EIF2B3: variants seen among roughly 807,000 people sequenced by gnomAD.
The protein encoded by EIF2B3 is translation initiation factor eIF2B subunit gamma.
Under a neutral mutation model 54.1 loss-of-function variants are expected in EIF2B3, and 20 were observed. The ratio of observed to expected loss-of-function variants is 0.37; its 90% CI spans 0.26 to 0.54. The LOEUF is 0.54. Ranked by LOEUF, EIF2B3 falls within the 20% of genes least tolerant of loss-of-function variation. The probability of loss-of-function intolerance (pLI) is 0.86; values close to 1 mark genes in which losing one functional copy is unlikely to be tolerated. For missense variants in EIF2B3, 448 were observed against 547.8 expected (o/e 0.82, Z 1.82); for synonymous variants, 153 against 188.1 (o/e 0.81, Z 1.52).
At chr1:44,897,186 C>T (rs1247391573) in intron 6 of EIF2B3, among the ~76,000 whole-genome samples, 169 bp downstream of exon 6, 1 of 152,178 alleles carries the variant, frequency 6.6e-6, no homozygotes, top group Non-Finnish European at 1.5e-5. Context: ...GATAAAACAA[C>T]ACTATATTGA....
intron 5 of EIF2B3, among the ~76,000 whole-genome samples, chr1:44,920,194 T>C (rs1307213030): frequency 6.6e-6 from 1 of 151,960 alleles, no homozygotes; most frequent in Non-Finnish European, 1.5e-5. Context: ...TATGCTAAGG[T>C]TTTGGTGCTA....
intron 6 of EIF2B3, among the ~76,000 whole-genome samples, chr1:44,888,417 G>A (rs779821256): frequency 4.6e-5 from 7 of 151,920 alleles, no homozygotes; most frequent in Admixed American, 1.3e-4. Context: ...ACCCAGAAAC[G>A]GGACATGCCG....
intron 5 of EIF2B3, among the ~76,000 whole-genome samples, chr1:44,903,898 A>G (rs1015774782): frequency 1.3e-5 from 2 of 152,002 alleles, no homozygotes; most frequent in African/African-American, 4.8e-5. Flanking sequence ...ACATGGCAAA[A>G]CCCCATCTCT....
chr1:44,911,318 T>G (rs1465724338), intron 5 of EIF2B3, among the ~76,000 whole-genome samples: 1 of 152,162 alleles, frequency 6.6e-6, no homozygotes, highest in East Asian at 1.9e-4. Context: ...GTGTGGATTA[T>G]AAATCAGAAG....
chr1:44,933,698 T>G (rs1643917545), intron 4 of EIF2B3, among the ~76,000 whole-genome samples: 1 of 152,196 alleles, frequency 6.6e-6, no homozygotes, highest in Non-Finnish European at 1.5e-5. Context: ...AGGCATGGGT[T>G]TGAGTTCTGG....
intron 3 of EIF2B3, among the ~76,000 whole-genome samples, chr1:44,976,228 A>G (rs1644451893): frequency 6.6e-6 from 1 of 152,204 alleles, no homozygotes; most frequent in Admixed American, 6.5e-5. Context: ...CATCTGGACT[A>G]TATTAAGAAT....
At position 44,926,755 on chromosome 1, in the gene EIF2B3, G is replaced by GA. The variant is rs534753916; in HGVS notation, c.455-17dup. 4,417 of 1,510,848 alleles carry GA rather than the reference G, an allele frequency of 2.9e-3. 1 individual carries two copies. Among genetic ancestry groups the GA allele is most frequent in the Non-Finnish European group, 3.2e-3 (3,580 of 1,106,232 alleles). The allele number at this position is 1,510,848 out of a possible 1,614,324, so 93.6% of individuals were successfully genotyped here. Reference sequence around the variant, plus strand: ...CGCTGCTCCACTGAATCATACAAAAGAAAAAAAAAATCAAATAAAGCCATT... The same window carrying GA: ...CGCTGCTCCACTGAATCATACAAAAGAAAAAAAAAAATCAAATAAAGCCATT... On this transcript the variant is annotated splice_polypyrimidine_tract_variant and intron_variant, in intron 4 of 11. Transcript: ENST00000360403.
chr1:44,884,478 T>C (rs373198619), intron 6 of EIF2B3, among the ~76,000 whole-genome samples: 2 of 152,220 alleles, frequency 1.3e-5, no homozygotes, highest in African/African-American at 4.8e-5. Context: ...ACCCTGGAGC[T>C]ACACAGTTCA....
chr1:44,963,896 G>A (rs1644310545), intron 3 of EIF2B3, among the ~76,000 whole-genome samples: 2 of 152,028 alleles, frequency 1.3e-5, no homozygotes, highest in South Asian at 4.1e-4. Flanking sequence ...CCCCTGACAG[G>A]GTCCTAAGGA....
At position 44,879,942 on chromosome 1, in the gene EIF2B3, G is replaced by T. The variant is rs1234430228; in HGVS notation, c.851C>A (p.Ala284Asp). The T allele has an allele frequency of 4.3e-6, 7 of 1,614,036 alleles. No individual in the cohort carries two copies. In the African/African-American group the frequency reaches 5.3e-5, roughly 12 times the overall value. The part of the protein sequence containing the change: ...NLAPYDACWN[A>D]CRGDRWEDLS... ...GTCTTCCCACCTGTCTCCTCGACAG[G>T]CATTCCAGCAGGCATCATAGGGAGC... Residue 284 changes from alanine (A) to aspartate (D), a missense_variant, in exon 8 of 12, where the codon GCC becomes GAC. By Grantham distance (126) the Ala-to-Asp change is moderately radical. Transcript: ENST00000360403.
At chr1:44,978,723 A>G (rs1163644878) in intron 2 of EIF2B3, among the ~76,000 whole-genome samples, 1 of 141,014 alleles carries the variant, frequency 7.1e-6, no homozygotes, top group African/African-American at 2.8e-5. Flanking sequence ...AGCAGCCTCA[A>G]CCTCCCAAGA....
At chr1:44,869,598 T>A (rs1249742679) in intron 10 of EIF2B3, among the ~76,000 whole-genome samples, 2 of 117,486 alleles carry the variant, frequency 1.7e-5, no homozygotes, top group Non-Finnish European at 3.7e-5. Flanking sequence ...AAGGCCTTTT[T>A]TTTTTTTTTT....
At chr1:44,928,983 C>G (rs1047608455) in intron 4 of EIF2B3, among the ~76,000 whole-genome samples, 18 of 152,272 alleles carry the variant, frequency 1.2e-4, no homozygotes, top group Middle Eastern at 3.4e-3. Context: ...GTTACTTAAC[C>G]TCTCTTCCTC....
intron 5 of EIF2B3, among the ~76,000 whole-genome samples, chr1:44,912,002 C>T (rs368879962): frequency 4.0e-5 from 6 of 150,730 alleles, no homozygotes; most frequent in African/African-American, 1.5e-4. Flanking sequence ...TGATGATTTC[C>T]AATTTCATCC....
intron 5 of EIF2B3, among the ~76,000 whole-genome samples, chr1:44,914,630 G>A (rs1057148937): frequency 6.6e-6 from 1 of 152,118 alleles, no homozygotes; most frequent in Non-Finnish European, 1.5e-5. Flanking sequence ...AAGGATTTTA[G>A]AGAATTACTA....
At chr1:44,959,135 C>T in intron 3 of EIF2B3, 1 of 750,234 alleles carries the variant, frequency 1.3e-6, no homozygotes, top group Non-Finnish European at 2.3e-6. Context: ...CGTGAAGGCA[C>T]CCTTGAACCA....
At chr1:44,952,989 A>C (rs1251080784) in intron 3 of EIF2B3, among the ~76,000 whole-genome samples, 1 of 152,222 alleles carries the variant, frequency 6.6e-6, no homozygotes, top group Non-Finnish European at 1.5e-5. Flanking sequence ...TACAGTGATT[A>C]GTTCCTTGTA....
At chr1:44,860,630 A>C (rs1036972886) in intron 10 of EIF2B3, among the ~76,000 whole-genome samples, 6 of 152,228 alleles carry the variant, frequency 3.9e-5, no homozygotes, top group African/African-American at 1.4e-4. Flanking sequence ...TCCATAATTT[A>C]ATCATAATGC....
intron 5 of EIF2B3, among the ~76,000 whole-genome samples, chr1:44,909,163 G>C (rs1263274567): frequency 1.3e-5 from 2 of 152,116 alleles, no homozygotes; most frequent in African/African-American, 4.8e-5. Flanking sequence ...AAGAGAGAGA[G>C]AGGGAGAGAA....
Sources: gnomAD v4.1 joint callset for allele counts (sites outside exome capture counted in the v4.1 genomes callset) on GRCh38, gnomAD v4.1.1 for gene constraint, MANE v1.5 for transcripts, NCBI Gene and HGNC (gene_info 2026-07-23, HGNC 2026-07-21) for gene names.